TRHDE: variants seen among roughly 807,000 people sequenced by gnomAD.
TRHDE encodes the protein thyrotropin-releasing hormone-degrading ectoenzyme.
In TRHDE, 72 loss-of-function variants were observed where a neutral mutation model predicts 125.7. The observed-to-expected ratio is 0.57, with a 90% CI of 0.47 to 0.70. The LOEUF (loss-of-function observed/expected upper bound fraction) is 0.70. Ranked by LOEUF, TRHDE falls within the 30% of genes least tolerant of loss-of-function variation. The pLI is 0.00. For synonymous variants in TRHDE, 509 were observed against 509.1 expected, an observed-to-expected ratio of 1.00 and a Z score of 0.00; for missense variants, 1,110 against 1,327.1, an observed-to-expected ratio of 0.84 and a Z score of 2.54.
intron 12 of TRHDE, among the ~76,000 whole-genome samples, chr12:72,603,738 AAAAAC>A (rs1291708326): frequency 2.0e-5 from 3 of 150,498 alleles, no homozygotes; most frequent in Non-Finnish European, 2.9e-5. Flanking sequence ...ACAAAAAACA[AAAAAC>A]AAAACAAAAC....
chr12:72,338,902 C>T (rs898172200), intron 2 of TRHDE, among the ~76,000 whole-genome samples: 3 of 152,188 alleles, frequency 2.0e-5, no homozygotes, highest in African/African-American at 7.2e-5. Flanking sequence ...AAGAAAAAGC[C>T]TTTAAACGCT....
chr12:72,522,804 G>C (rs1038349405), intron 6 of TRHDE, among the ~76,000 whole-genome samples: 4 of 152,060 alleles, frequency 2.6e-5, no homozygotes, highest in African/African-American at 9.7e-5. Flanking sequence ...GAGAATTTAG[G>C]AACATGCAGA....
intron 3 of TRHDE, among the ~76,000 whole-genome samples, chr12:72,451,817 T>A (rs899021593): frequency 6.6e-6 from 1 of 152,154 alleles, no homozygotes; most frequent in African/African-American, 2.4e-5. Context: ...TTCTTTTTTC[T>A]TTCTTTTTGT....
rs1382423376 is a variant in TRHDE, at chr12:72,571,352, A to C, written c.2131+2696A>C. 2.6e-5 allele frequency among the ~76,000 whole-genome samples: 4 copies of C among 152,302 alleles called. No individual in the cohort carries two copies. In the East Asian group the frequency reaches 5.8e-4, roughly 22 times the overall value. ...ATAACAATCAGGTCAATGTTTTTGT[A>C]GTTTTTCATTGTCCTTAGTGATGCA... On this transcript the variant is annotated intron_variant, in intron 10 of 18. Coordinates refer to ENST00000261180, the MANE Select transcript of TRHDE (RefSeq NM_013381.3).
chr12:72,395,384 C>T lies in TRHDE; in HGVS notation c.1315+17263C>T, dbSNP rs148647414. On this transcript the variant is annotated intron_variant, in intron 3 of 18. Transcript: ENST00000261180. ...TCAGTTCACAGTCATATCCTGGACCCTGTCATTTCCAATAACTGTATCACC... is the reference window on the plus strand; with the variant it reads ...TCAGTTCACAGTCATATCCTGGACCTTGTCATTTCCAATAACTGTATCACC... Among the ~76,000 whole-genome samples the T allele has an allele frequency of 2.9e-3, 445 of 152,232 alleles. 1 individual carries two copies. Among genetic ancestry groups the T allele is most frequent in the African/African-American group, 0.01 (427 of 41,552 alleles).
intron 3 of TRHDE, among the ~76,000 whole-genome samples, chr12:72,380,209 T>A (rs1173466629): frequency 6.6e-6 from 1 of 152,142 alleles, no homozygotes; most frequent in Admixed American, 6.5e-5. Context: ...ATTTACTGAG[T>A]GCCTACCGTG....
chr12:72,603,736 C>CA (rs906559079), intron 12 of TRHDE, among the ~76,000 whole-genome samples: 5 of 149,924 alleles, frequency 3.3e-5, no homozygotes, highest in Non-Finnish European at 5.9e-5. Context: ...AAACAAAAAA[C>CA]AAAAAACAAA....
intron 12 of TRHDE, among the ~76,000 whole-genome samples, chr12:72,604,392 G>A (rs545451149): frequency 6.6e-6 from 1 of 151,906 alleles, no homozygotes; most frequent in Non-Finnish European, 1.5e-5. Context: ...TTTTGAAGAA[G>A]ATTTTATCAC....
intron 2 of TRHDE, among the ~76,000 whole-genome samples, chr12:72,204,663 C>T (rs2139357206): frequency 6.6e-6 from 1 of 152,276 alleles, no homozygotes; most frequent in African/African-American, 2.4e-5. Context: ...TTTAAATTCT[C>T]AGTATCATTG....
chr12:72,418,341 A>AT (rs1565733916), intron 3 of TRHDE, among the ~76,000 whole-genome samples: 1 of 152,038 alleles, frequency 6.6e-6, no homozygotes, highest in African/African-American at 2.4e-5. Context: ...TAAAATGCCA[A>AT]TTTTTTTAAG....
At chr12:72,388,728 G>A (rs939770699) in intron 3 of TRHDE, among the ~76,000 whole-genome samples, 27 of 152,160 alleles carry the variant, frequency 1.8e-4, no homozygotes, top group South Asian at 4.1e-4. Context: ...AAGGATCCCC[G>A]TAAAGGAAAT....
intron 2 of TRHDE, among the ~76,000 whole-genome samples, chr12:72,138,617 T>C (rs1876043072): frequency 6.6e-6 from 1 of 152,216 alleles, no homozygotes; most frequent in South Asian, 2.1e-4. Flanking sequence ...CTTGGAAAAC[T>C]GTCCAGTCCC....
chr12:72,502,020 C>A (rs1334828490), intron 6 of TRHDE, among the ~76,000 whole-genome samples: 2 of 151,974 alleles, frequency 1.3e-5, no homozygotes, highest in African/African-American at 4.8e-5. Flanking sequence ...AATCATATAA[C>A]CTCTTTCATT....
chr12:72,160,022 T>C (rs1876600454), intron 2 of TRHDE, among the ~76,000 whole-genome samples: 1 of 152,222 alleles, frequency 6.6e-6, no homozygotes. Context: ...CTAATTGTGC[T>C]CTTCTTCTAC....
rs773944536 is a variant in TRHDE at position 72,652,397 on chromosome 12, A to G, written c.2751A>G (p.Ile917Met). ...TGGATGAGGATGTCTGGGAATTCATATGGATGAAATTCCATTCCACCACAG... is the reference window on the plus strand; with the variant it reads ...TGGATGAGGATGTCTGGGAATTCATGTGGATGAAATTCCATTCCACCACAG... Reference protein sequence around the residue: ...SLLDEDVWEFIWMKFHSTTAV... With the variant: ...SLLDEDVWEFMWMKFHSTTAV... The change falls in exon 16 of 19, where the codon ATA becomes ATG. Residue 917 changes from isoleucine to methionine, a missense_variant. This residue lies in a region of TRHDE where 527 missense variants were observed against 651.8 expected (regional missense o/e 0.81). Transcript: ENST00000261180. 7.5e-6 allele frequency: 12 copies of G among 1,606,422 alleles called. No individual in the cohort carries two copies. Among genetic ancestry groups the G allele is most frequent in the Non-Finnish European group, 9.4e-6 (11 of 1,175,288 alleles).
intron 2 of TRHDE, among the ~76,000 whole-genome samples, chr12:72,211,939 T>G (rs538491279): frequency 2.0e-5 from 3 of 149,074 alleles, no homozygotes; most frequent in Admixed American, 6.6e-5. Flanking sequence ...GCAAATATGT[T>G]TACAATATAT....
At chr12:72,161,589 A>G (rs1266333467) in intron 2 of TRHDE, among the ~76,000 whole-genome samples, 4 of 152,220 alleles carry the variant, frequency 2.6e-5, no homozygotes, top group Non-Finnish European at 4.4e-5. Context: ...GATGAGAACT[A>G]GAGCCATGCT....
intron 3 of TRHDE, among the ~76,000 whole-genome samples, chr12:72,408,004 G>A (rs897676219): frequency 6.6e-6 from 1 of 152,168 alleles, no homozygotes; most frequent in East Asian, 1.9e-4. Context: ...TATAGTTCTG[G>A]AGGCTGGGAA....
At chr12:72,292,153 C>G (rs767968523) in intron 2 of TRHDE, among the ~76,000 whole-genome samples, 1 of 152,114 alleles carries the variant, frequency 6.6e-6, no homozygotes, top group Non-Finnish European at 1.5e-5. Context: ...ATGAGGCATG[C>G]CCTTAAGATC....
Sources: gnomAD v4.1 joint callset for allele counts (sites outside exome capture counted in the v4.1 genomes callset) on GRCh38, gnomAD v4.1.1 for gene constraint, gnomAD v4.1.1 regional missense constraint, MANE v1.5 for transcripts, NCBI Gene and HGNC (gene_info 2026-07-23, HGNC 2026-07-21) for gene names.